The following ITGA9 variants were observed in gnomAD, a reference collection of about 807,000 sequenced individuals.
ITGA9 encodes integrin alpha-9.
In ITGA9, 56 loss-of-function variants were observed where a neutral mutation model predicts 127.8. The observed-to-expected ratio is 0.44, with a 90% CI of 0.35 to 0.55. The LOEUF is 0.55. ITGA9 is among the 20% of genes least tolerant of loss of function. The probability of loss-of-function intolerance (pLI) is 0.00; values close to 1 mark genes in which losing one functional copy is unlikely to be tolerated. For synonymous variants in ITGA9, 508 were observed against 514.5 expected (o/e 0.99, Z 0.17); for missense variants, 1,196 against 1,347.1 (o/e 0.89, Z 1.76).
intron 15 of ITGA9, among the ~76,000 whole-genome samples, chr3:37,574,041 G>A (rs6550482): frequency 0.58 from 87,657 of 151,968 alleles, 25,803 homozygotes; most frequent in East Asian, 0.75. Context: ...GGCCTTAAAA[G>A]TTCCATGTAC....
chr3:37,628,587 G>A (rs1032534579), intron 15 of ITGA9, among the ~76,000 whole-genome samples: 4 of 152,094 alleles, frequency 2.6e-5, no homozygotes, highest in African/African-American at 4.8e-5. Flanking sequence ...TATGTTCAGG[G>A]CATGTTTGCT....
At chr3:37,709,716 G>C (rs1483795192) in intron 18 of ITGA9, among the ~76,000 whole-genome samples, 1 of 152,234 alleles carries the variant, frequency 6.6e-6, no homozygotes, top group Non-Finnish European at 1.5e-5. Context: ...CCTTGTATGG[G>C]AACATCATCA....
intron 15 of ITGA9, among the ~76,000 whole-genome samples, chr3:37,621,683 T>A (rs1314074178): frequency 6.6e-6 from 1 of 152,244 alleles, no homozygotes; most frequent in Admixed American, 6.5e-5. Flanking sequence ...TTTTCATAGA[T>A]GAACAATTTT....
intron 1 of ITGA9, among the ~76,000 whole-genome samples, chr3:37,453,667 A>G (rs1280190182): frequency 1.3e-5 from 2 of 152,172 alleles, no homozygotes; most frequent in Non-Finnish European, 2.9e-5. Context: ...GGTGGCAGGC[A>G]GGGAGGTCGA....
In ITGA9 at chr3:37,452,164, C is replaced by CGCCGCCGCTCGGG. The variant is rs959605975; in HGVS notation, c.-204_-192dup. 1 of 152,502 alleles carries CGCCGCCGCTCGGG rather than the reference C, an allele frequency of 6.6e-6. No individual in the cohort carries two copies. Among genetic ancestry groups the CGCCGCCGCTCGGG allele is most frequent in the Admixed American group, 6.7e-5 (1 of 14,958 alleles). 9.4% of individuals were successfully genotyped at this position (152,502 alleles called of 1,614,324 possible). ...GCAGACTTCTCGGGCGGACTGAGGACGCCGCCGCTCGGGGCCGCCCCTGTG... is the reference window on the plus strand; with the variant it reads ...GCAGACTTCTCGGGCGGACTGAGGACGCCGCCGCTCGGGGCCGCCGCTCGGGGCCGCCCCTGTG... On this transcript the variant is annotated 5_prime_UTR_variant, in exon 1 of 28. Transcript: ENST00000264741. The surrounding 1 kb of genome is among the most constrained non-coding windows in gnomAD (Gnocchi z 7.3).
At chr3:37,784,954 A>T in intron 25 of ITGA9, 23 bp from the exon 26 acceptor site, 1 of 1,584,776 alleles carries the variant, frequency 6.3e-7, no homozygotes, top group Non-Finnish European at 8.7e-7. Context: ...ATCTTCAAGT[A>T]AGTTGTGTTG....
intron 27 of ITGA9, among the ~76,000 whole-genome samples, chr3:37,804,783 A>T (rs2125562846): frequency 6.6e-6 from 1 of 152,344 alleles, no homozygotes; most frequent in Middle Eastern, 3.4e-3. Context: ...TTAAAATAAG[A>T]CAACTAATTT....
chr3:37,821,193 G>A lies in ITGA9; in HGVS notation c.*2204G>A, dbSNP rs1697510508. On this transcript the variant is annotated 3_prime_UTR_variant, in exon 28 of 28. Coordinates refer to ENST00000264741, the MANE Select transcript of ITGA9 (RefSeq NM_002207.3). ...TCAGGGATGTTGCATCTAACTGTGGGATGGAGGCACAGAGGTAGCTACAGG... is the reference window on the plus strand; with the variant it reads ...TCAGGGATGTTGCATCTAACTGTGGAATGGAGGCACAGAGGTAGCTACAGG... 1 of 152,232 alleles carries A rather than the reference G, an allele frequency of 6.6e-6. No homozygotes were observed. Among genetic ancestry groups the A allele is most frequent in the South Asian group, 2.1e-4 (1 of 4,834 alleles). 9.4% of individuals were successfully genotyped at this position (152,232 alleles called of 1,614,324 possible). A position where few individuals can be genotyped will look rare whatever the true frequency, so the allele number is the denominator to read the frequency against.
At chr3:37,697,109 G>C (rs1209583320) in intron 18 of ITGA9, among the ~76,000 whole-genome samples, 18 of 152,112 alleles carry the variant, frequency 1.2e-4, no homozygotes. Context: ...GAATATGTCT[G>C]TATACAACTA....
chr3:37,758,391 G>T lies in ITGA9; in HGVS notation c.2541+7822G>T, dbSNP rs565123918. Among the ~76,000 whole-genome samples, 414 of 147,176 alleles carry T rather than the reference G, an allele frequency of 2.8e-3. 3 individuals are homozygous for T. Among genetic ancestry groups the T allele is most frequent in the Non-Finnish European group, 4.6e-3 (307 of 67,158 alleles). ...TCCTATTAGAAGAATAATATAGTCTGGGTAAAACAGGATGTAATCCAGGAA... is the reference window on the plus strand; with the variant it reads ...TCCTATTAGAAGAATAATATAGTCTTGGTAAAACAGGATGTAATCCAGGAA... On this transcript the variant is annotated intron_variant, in intron 23 of 27. Transcript: ENST00000264741.
At chr3:37,696,930 G>A (rs543524251) in intron 18 of ITGA9, among the ~76,000 whole-genome samples, 2 of 152,246 alleles carry the variant, frequency 1.3e-5, no homozygotes, top group South Asian at 4.1e-4. Flanking sequence ...TCCGGGGTCA[G>A]GATATGCATT....
At chr3:37,684,051 C>G in intron 18 of ITGA9, 36 bp downstream of exon 18, 1 of 1,582,308 alleles carries the variant, frequency 6.3e-7, no homozygotes, top group East Asian at 2.2e-5. Flanking sequence ...AGCAGTTGTT[C>G]CATCTGGTGC....
chr3:37,505,159 G>T (rs555258442), intron 6 of ITGA9, among the ~76,000 whole-genome samples: 1 of 152,222 alleles, frequency 6.6e-6, no homozygotes, highest in Non-Finnish European at 1.5e-5. Context: ...GTGGTTAACA[G>T]CAGGGGCTTT....
intron 15 of ITGA9, among the ~76,000 whole-genome samples, chr3:37,571,723 T>A (rs968971063): frequency 6.6e-6 from 1 of 151,706 alleles, no homozygotes; most frequent in African/African-American, 2.4e-5. Flanking sequence ...ATGAAGGAGG[T>A]CTGGATCCTG....
chr3:37,475,450 G>A (rs1368895563), intron 3 of ITGA9, among the ~76,000 whole-genome samples: 1 of 152,228 alleles, frequency 6.6e-6, no homozygotes, highest in Non-Finnish European at 1.5e-5. Context: ...CCACAGATCA[G>A]TATCACAAAG....
intron 15 of ITGA9, among the ~76,000 whole-genome samples, chr3:37,550,678 G>A (rs1699370101): frequency 6.6e-6 from 1 of 152,184 alleles, no homozygotes; most frequent in Non-Finnish European, 1.5e-5. Context: ...AGGAAGTTAT[G>A]AGTGTTGAGT....
chr3:37,576,423 A>C (rs539638599), intron 15 of ITGA9, among the ~76,000 whole-genome samples: 15 of 152,312 alleles, frequency 9.8e-5, no homozygotes, highest in Non-Finnish European at 1.5e-4. Context: ...TGGGATCTTC[A>C]TTTTGTTATG....
intron 22 of ITGA9, 98 bp downstream of exon 22, chr3:37,744,132 C>G: frequency 1.2e-6 from 1 of 848,440 alleles, no homozygotes; most frequent in African/African-American, 1.7e-5. Context: ...CAGGAGAAAC[C>G]CTTCTGTGGT....
Position 37,645,307 on chromosome 3 carries a change from G to A in ITGA9, c.1840-8407G>A, listed in dbSNP as rs144773312. Among the ~76,000 whole-genome samples, 467 of 152,268 alleles carry A rather than the reference G, an allele frequency of 3.1e-3. 4 individuals carry two copies. The highest frequency in any genetic ancestry group is 0.01 in the Middle Eastern group (3 of 294). ...TGCTAGGCCAGGCACGGTGGCTCACGCGTGTAATCCCAGCAGTTTGGGAGG... is the reference window on the plus strand; with the variant it reads ...TGCTAGGCCAGGCACGGTGGCTCACACGTGTAATCCCAGCAGTTTGGGAGG... On this transcript the variant is annotated intron_variant, in intron 16 of 27. Transcript: ENST00000264741.
Sources: gnomAD v4.1 joint callset for allele counts (sites outside exome capture counted in the v4.1 genomes callset) on GRCh38, gnomAD v4.1.1 for gene constraint, Gnocchi (gnomAD v3.1) non-coding constraint, MANE v1.5 for transcripts, NCBI Gene and HGNC (gene_info 2026-07-23, HGNC 2026-07-21) for gene names.